Variants in NFXL1 observed in about 807,000 individuals in gnomAD.
NFXL1 encodes NF-X1-type zinc finger protein NFXL1.
NFXL1 carries 66 observed loss-of-function variants against 123.3 expected under a neutral mutation model. The ratio of observed to expected loss-of-function variants is 0.54; its 90% CI spans 0.44 to 0.66. The LOEUF (loss-of-function observed/expected upper bound fraction) is 0.66. NFXL1 is among the 30% of genes least tolerant of loss of function. NFXL1 has a pLI of 0.00. For synonymous variants in NFXL1, 346 were observed against 360.8 expected (o/e 0.96, Z 0.46); for missense variants, 944 against 1,125.6 (o/e 0.84, Z 2.31).
At chr4:47,853,040 C>G (rs995210708) in intron 20 of NFXL1, among the ~76,000 whole-genome samples, 2 of 151,538 alleles carry the variant, frequency 1.3e-5, no homozygotes, top group Non-Finnish European at 2.9e-5. Flanking sequence ...CCTCCAAAGA[C>G]AGTCCAGACA....
chr4:47,863,596 C>T (rs973416099), intron 18 of NFXL1, among the ~76,000 whole-genome samples: 2 of 152,080 alleles, frequency 1.3e-5, no homozygotes, highest in South Asian at 2.1e-4. Context: ...GCATAAGAAT[C>T]GCTCGAACTC....
rs1287923007 is a variant in NFXL1 at position 47,848,782 on chromosome 4, G to A, written c.2563-446C>T. Among the ~76,000 whole-genome samples, 9 of 152,056 alleles carry A rather than the reference G, an allele frequency of 5.9e-5. No individual in the cohort carries two copies. In the South Asian group the frequency reaches 1.2e-3, roughly 21 times the overall value. ...CGGGTGCCTGTAGTCCCAGCTACTC[G>A]GGAGGCTAAGGCAGGAGAATGGCGT... is the stretch of plus-strand genomic sequence containing the variant. On this transcript the variant is annotated intron_variant, in intron 22 of 22. Transcript: ENST00000507489.
rs550090511 is a variant in NFXL1, at chr4:47,899,249, C to G, written c.826+121G>C. ...ACTGACACTTTACAAAAGGCAATAA[C>G]TTTCAATATTTTCTCATGGCAAACT... is the stretch of plus-strand genomic sequence containing the variant. On this transcript the variant is annotated intron_variant, in intron 6 of 22. Coordinates refer to ENST00000507489, the MANE Select transcript of NFXL1 (RefSeq NM_001278624.2). 3.1e-6 allele frequency: 4 copies of G among 1,282,522 alleles called. No individual in the cohort carries two copies. In the African/African-American group the frequency reaches 4.5e-5, roughly 14 times the overall value. The allele number at this position is 1,282,522 out of a possible 1,614,324, so 79.4% of individuals were successfully genotyped here. A position where few individuals can be genotyped will look rare whatever the true frequency, so the allele number is the denominator to read the frequency against.
chr4:47,867,071 G>C (rs891709876), intron 18 of NFXL1, among the ~76,000 whole-genome samples: 1 of 152,262 alleles, frequency 6.6e-6, no homozygotes, highest in Admixed American at 6.5e-5. Flanking sequence ...CCCTTTTGCT[G>C]TAATAACTCA....
intron 13 of NFXL1, 70 bp from the exon 14 acceptor site, chr4:47,885,727 T>C (rs1285343284): frequency 1.6e-5 from 23 of 1,416,064 alleles, no homozygotes; most frequent in Non-Finnish European, 2.1e-5. Flanking sequence ...AGGACAATTA[T>C]CTATTTACAT....
At chr4:47,883,847 A>C (rs938324816) in intron 15 of NFXL1, among the ~76,000 whole-genome samples, 10 of 152,208 alleles carry the variant, frequency 6.6e-5, no homozygotes, top group African/African-American at 2.4e-4. Flanking sequence ...AGTATAAAAA[A>C]TTCCAGGATT....
At chr4:47,859,129 A>G (rs780438228) in intron 19 of NFXL1, among the ~76,000 whole-genome samples, 2 of 152,180 alleles carry the variant, frequency 1.3e-5, no homozygotes, top group East Asian at 3.8e-4. Flanking sequence ...ACCCTTCCCA[A>G]TCAAAGTGGG....
intron 15 of NFXL1, among the ~76,000 whole-genome samples, chr4:47,880,807 T>TAAAAAAAAAAAAAAAAAAAAAAAA: frequency 1.3e-5 from 1 of 78,834 alleles, no homozygotes; most frequent in Non-Finnish European, 2.5e-5. Flanking sequence ...AATTAATGAG[T>TAAAAAAAAAAAAAAAAAAAAAAAA]AAAAAAAAAA....
Position 47,914,027 on chromosome 4 carries a change from A to C in NFXL1, c.177T>G (p.Ala59=), listed in dbSNP as rs1351646946. 1 of 1,548,824 alleles carries C rather than the reference A, an allele frequency of 6.5e-7. No homozygotes were observed. Among genetic ancestry groups the C allele is most frequent in the South Asian group, 1.2e-5 (1 of 83,994 alleles). Residue 59 remains alanine, a synonymous_variant, in exon 2 of 23, where the codon GCT becomes GCG. Transcript: ENST00000507489. ...TSPGGVATTA[A]AGSRHSPAGS... is the part of the protein sequence containing the mutation. Reference sequence around the variant, plus strand: ...CTGCGGGGCTGTGCCTGCTCCCTGCAGCCGCCGTGGTCGCGACTCCTCCGG... The same window carrying C: ...CTGCGGGGCTGTGCCTGCTCCCTGCCGCCGCCGTGGTCGCGACTCCTCCGG...
Position 47,885,625 on chromosome 4 carries a change from T to C in NFXL1, c.1697A>G (p.Glu566Gly). 6.2e-7 allele frequency: 1 copy of C among 1,614,028 alleles called. No homozygotes were observed. The highest frequency in any genetic ancestry group is 1.3e-5 in the African/African-American group (1 of 75,058). The change falls in exon 14 of 23, where the codon GAA becomes GGA. Residue 566 changes from glutamate to glycine, a missense_variant. Around this residue, in one of 4 missense-constraint regions of NFXL1, gnomAD observed 44 missense variants for 90.4 expected, o/e 0.49. Coordinates refer to ENST00000507489, the MANE Select transcript of NFXL1 (RefSeq NM_001278624.2). The stretch of plus-strand genomic sequence containing the variant: ...AGAACCAAAGTGACAGCGATGTTTT[T>C]CTTGACTTGTATGATGACAAGTTGG... ...RPPTCHHTSQ[E>G]KHRCHFGSCP... is the part of the protein sequence containing the mutation.
chr4:47,911,559 A>G (rs1211136133), intron 2 of NFXL1, among the ~76,000 whole-genome samples: 3 of 152,184 alleles, frequency 2.0e-5, no homozygotes, highest in Non-Finnish European at 4.4e-5. Context: ...TAGGTCAAGA[A>G]CTTTTTGCCT....
At chr4:47,877,537 C>A (rs73244437) in intron 17 of NFXL1, among the ~76,000 whole-genome samples, 8,628 of 152,064 alleles carry the variant, frequency 0.057, 467 homozygotes, top group East Asian at 0.32. Context: ...AGCAGCTACA[C>A]CCTAACTAGT....
At position 47,847,274 on chromosome 4, in the gene NFXL1, A is replaced by C. The variant is rs778034013; in HGVS notation, c.*889T>G. ...AAAAATTTTAATGAAAACATTAATC[A>C]TATAAATTAAATAGCAAAACTATTT... On this transcript the variant is annotated 3_prime_UTR_variant, in exon 23 of 23. Coordinates refer to ENST00000507489, the MANE Select transcript of NFXL1 (RefSeq NM_001278624.2). 3.3e-5 allele frequency: 5 copies of C among 152,166 alleles called. No individual in the cohort carries two copies. Among genetic ancestry groups the C allele is most frequent in the Non-Finnish European group, 7.3e-5 (5 of 68,034 alleles). The allele number at this position is 152,166 out of a possible 1,614,324, so 9.4% of individuals were successfully genotyped here.
chr4:47,896,941 C>A (rs901236838), intron 9 of NFXL1, among the ~76,000 whole-genome samples: 1 of 152,062 alleles, frequency 6.6e-6, no homozygotes, highest in African/African-American at 2.4e-5. Flanking sequence ...CTACATAAAC[C>A]ATTCATGAAT....
At chr4:47,857,981 G>A (rs1430478396) in intron 19 of NFXL1, among the ~76,000 whole-genome samples, 1 of 151,992 alleles carries the variant, frequency 6.6e-6, no homozygotes, top group African/African-American at 2.4e-5. Flanking sequence ...TCCCCACAAC[G>A]TCTTCTCTCT....
At chr4:47,898,130 A>G in intron 8 of NFXL1, 49 bp from the exon 9 acceptor site, 1 of 1,161,478 alleles carries the variant, frequency 8.6e-7, no homozygotes, top group South Asian at 1.4e-5. Context: ...AAGTTAACAA[A>G]AAAAGACTTC....
In NFXL1 at chr4:47,903,196, G is replaced by T; in HGVS notation, c.644C>A (p.Pro215His). 1 of 1,578,036 alleles carries T rather than the reference G, an allele frequency of 6.3e-7. No homozygotes were observed. The highest frequency in any genetic ancestry group is 1.2e-5 in the South Asian group (1 of 85,532). ...DDFGKKDCPWPCPKCRFEYKR... is the reference protein window; with the variant it reads ...DDFGKKDCPWHCPKCRFEYKR... The stretch of plus-strand genomic sequence containing the variant: ...CCAACTAATTAGAAAAAGTTACCAA[G>T]GCCAGGGACAATCTTTCTTTCCAAA... Residue 215 changes from proline to histidine, a missense_variant, in exon 5 of 23, where the codon CCT (proline) becomes CAT (histidine). Pro to His is a moderately conservative substitution (Grantham distance 77, BLOSUM62 -2). Transcript: ENST00000507489.
intron 18 of NFXL1, among the ~76,000 whole-genome samples, chr4:47,871,700 A>G (rs1262387008): frequency 6.6e-6 from 1 of 152,208 alleles, no homozygotes; most frequent in Non-Finnish European, 1.5e-5. Flanking sequence ...TTCCCCCTAC[A>G]AAACTTCTAA....
At chr4:47,897,701 C>T (rs979171382) in intron 9 of NFXL1, among the ~76,000 whole-genome samples, 4 of 152,070 alleles carry the variant, frequency 2.6e-5, no homozygotes, top group Admixed American at 6.6e-5. Flanking sequence ...TAGTATCACA[C>T]GGAGGAGTTT....
Sources: gnomAD v4.1 joint callset for allele counts (sites outside exome capture counted in the v4.1 genomes callset) on GRCh38, gnomAD v4.1.1 for gene constraint, gnomAD v4.1.1 regional missense constraint, MANE v1.5 for transcripts, NCBI Gene and HGNC (gene_info 2026-07-23, HGNC 2026-07-21) for gene names.